CRACD: variants seen among roughly 807,000 people sequenced by gnomAD.
CRACD encodes the protein capping protein-inhibiting regulator of actin dynamics.
A neutral mutation model predicts 106.8 loss-of-function variants in CRACD; 56 were observed. The ratio of observed to expected loss-of-function variants is 0.52; its 90% confidence interval spans 0.42 to 0.66. CRACD has a LOEUF of 0.66. Ranked by LOEUF, CRACD falls within the 30% of genes least tolerant of loss-of-function variation. The pLI, the probability that CRACD is intolerant of heterozygous loss-of-function variation, is 0.00. For missense variants in CRACD, 1,730 were observed against 1,623.2 expected, an observed-to-expected ratio of 1.07 and a Z score of -1.13; for synonymous variants, 754 against 670.8, an observed-to-expected ratio of 1.12 and a Z score of -1.92.
At chr4:56,208,700 G>C (rs1027620831) in intron 2 of CRACD, among the ~76,000 whole-genome samples, 2 of 152,164 alleles carry the variant, frequency 1.3e-5, no homozygotes, top group African/African-American at 4.8e-5. Flanking sequence ...GGAGGCTTCA[G>C]GGGCTCTCTG....
At position 56,314,375 on chromosome 4, in the gene CRACD, G is replaced by C; in HGVS notation, c.873G>C (p.Gln291His). ...LEAERAPREE[Q>H]QRSLEAPGWE... ...CGGAAAGGGCGCCGCGGGAAGAGCA[G>C]CAGCGGAGCCTGGAAGCGCCAGGTT... Residue 291 changes from glutamine (Q) to histidine (H), a missense_variant, in exon 8 of 11, where the codon CAG becomes CAC. Physicochemically the swap from Gln to His is conservative, Grantham distance 24. This residue lies in a region of CRACD where 1,620 missense variants were observed against 1,481.6 expected (regional missense o/e 1.09). Transcript: ENST00000682029. This position sits in a 1 kb window ranked among gnomAD's most constrained non-coding sequence, Gnocchi z 4.4. 1 of 1,547,730 alleles carries C rather than the reference G, an allele frequency of 6.5e-7. No homozygotes were observed. Among genetic ancestry groups the C allele is most frequent in the Middle Eastern group, 2.2e-4 (1 of 4,534 alleles).
intron 1 of CRACD, among the ~76,000 whole-genome samples, chr4:56,160,985 A>G (rs928484785): frequency 5.9e-5 from 9 of 152,208 alleles, no homozygotes; most frequent in African/African-American, 2.2e-4. Context: ...TTCCACACAA[A>G]GGTTTTATCT....
intron 3 of CRACD, among the ~76,000 whole-genome samples, chr4:56,278,079 C>T (rs987055416): frequency 1.3e-5 from 2 of 152,122 alleles, no homozygotes; most frequent in Non-Finnish European, 2.9e-5. Flanking sequence ...TGACAGTACT[C>T]CCCAGATTGA....
chr4:56,291,251 A>C (rs573562307), intron 3 of CRACD, among the ~76,000 whole-genome samples: 2 of 152,318 alleles, frequency 1.3e-5, no homozygotes, highest in South Asian at 2.1e-4. Flanking sequence ...AAGCAGGGAG[A>C]GGTGGAGTTG....
rs1431622849 is a variant in CRACD at position 56,159,521 on chromosome 4, G to T, written c.-335-19763G>T. On this transcript the variant is annotated intron_variant, in intron 1 of 10. Coordinates refer to ENST00000682029, the MANE Select transcript of CRACD (RefSeq NM_001393381.1). ...AACAAAATTAGACGGGCGTGGTGGC[G>T]GGCGCCTGTAGTCCCAGCTACTCGG... Among the ~76,000 whole-genome samples the T allele has an allele frequency of 2.0e-5, 3 of 152,028 alleles. No homozygotes were observed. In the East Asian group the frequency reaches 5.9e-4, roughly 30 times the overall value.
intron 10 of CRACD, among the ~76,000 whole-genome samples, chr4:56,324,979 TACCCCCAAA>T (rs1746334663): frequency 4.6e-5 from 7 of 152,194 alleles, no homozygotes; most frequent in Admixed American, 4.6e-4. Flanking sequence ...ATGCCACATG[TACCCCCAAA>T]ATATATACAA....
intron 2 of CRACD, among the ~76,000 whole-genome samples, chr4:56,258,070 GAAAAAAAAACAAA>G (rs1223019147): frequency 1.8e-5 from 2 of 110,210 alleles, no homozygotes; most frequent in Non-Finnish European, 3.8e-5. Context: ...CTCCATCTCA[GAAAAAAAAACAAA>G]AAAAAAAAAG....
Position 56,315,416 on chromosome 4 carries a change from T to C in CRACD, c.1914T>C (p.Pro638=). The C allele has an allele frequency of 6.2e-7, 1 of 1,612,546 alleles. No homozygotes were observed. The highest frequency in any genetic ancestry group is 8.5e-7 in the Non-Finnish European group (1 of 1,179,608). ...KHAEAPAGEN[P]PRGPGDARAG... is the part of the protein sequence containing the mutation. The stretch of plus-strand genomic sequence containing the variant: ...CGGAAGCCCCAGCTGGGGAGAACCC[T>C]CCCCGAGGCCCCGGCGACGCGAGGG... Residue 638 remains proline (P), a synonymous_variant, in exon 8 of 11, where the codon CCT becomes CCC. Transcript: ENST00000682029. The surrounding 1 kb of genome is among the most constrained non-coding windows in gnomAD (Gnocchi z 4.1).
At chr4:56,237,394 A>G (rs1740040765) in intron 2 of CRACD, among the ~76,000 whole-genome samples, 2 of 152,282 alleles carry the variant, frequency 1.3e-5, no homozygotes, top group Non-Finnish European at 1.5e-5. Context: ...TATAGATTAA[A>G]TCCACTTGTA....
At position 56,291,280 on chromosome 4, in the gene CRACD, T is replaced by G. The variant is rs553296117; in HGVS notation, c.-16-6934T>G. Among the ~76,000 whole-genome samples, 124 of 152,292 alleles carry G rather than the reference T, an allele frequency of 8.1e-4. 1 individual carries two copies. The highest frequency in any genetic ancestry group is 4.1e-4 in the South Asian group (2 of 4,824). ...GGAGTTGGCCTGCTTCACAATCAAC[T>G]GCGAAAGGTCTTTAAATGTCAAGAA... On this transcript the variant is annotated intron_variant, in intron 3 of 10. Transcript: ENST00000682029.
At chr4:56,292,725 C>T (rs527450036) in intron 3 of CRACD, among the ~76,000 whole-genome samples, 2 of 152,088 alleles carry the variant, frequency 1.3e-5, no homozygotes, top group Non-Finnish European at 2.9e-5. Flanking sequence ...AGGGTTTCAC[C>T]GTGTCAACCA....
intron 1 of CRACD, among the ~76,000 whole-genome samples, chr4:56,116,181 T>A (rs1312297982): frequency 6.6e-6 from 1 of 150,838 alleles, no homozygotes; most frequent in Non-Finnish European, 1.5e-5. Flanking sequence ...TTAATCCAGG[T>A]TTGTGAGTGA....
intron 1 of CRACD, among the ~76,000 whole-genome samples, chr4:56,060,980 C>A (rs1469033547): frequency 2.6e-5 from 4 of 152,140 alleles, no homozygotes; most frequent in Non-Finnish European, 5.9e-5. Context: ...TATTTATAAG[C>A]CACCCAGTCA....
At chr4:56,182,987 C>G (rs995408290) in intron 2 of CRACD, among the ~76,000 whole-genome samples, 17 of 150,900 alleles carry the variant, frequency 1.1e-4, no homozygotes, top group African/African-American at 3.9e-4. Flanking sequence ...AATCTCAGTA[C>G]TTTGGGAGGC....
intron 1 of CRACD, among the ~76,000 whole-genome samples, chr4:56,150,224 T>C (rs1018399490): frequency 2.0e-5 from 3 of 152,330 alleles, no homozygotes; most frequent in South Asian, 4.1e-4. Context: ...TTAGATGTCA[T>C]GAAGCTTCAC....
chr4:56,317,923 C>T (rs964702291), intron 8 of CRACD, among the ~76,000 whole-genome samples: 4 of 152,130 alleles, frequency 2.6e-5, no homozygotes, highest in African/African-American at 4.8e-5. Flanking sequence ...TCATCTAATA[C>T]TTTTTCTTTT....
At chr4:56,254,328 A>C (rs552750481) in intron 2 of CRACD, among the ~76,000 whole-genome samples, 2 of 152,190 alleles carry the variant, frequency 1.3e-5, no homozygotes, top group East Asian at 3.9e-4. Flanking sequence ...GGACTGTCCC[A>C]CCCAGTCTGG....
intron 2 of CRACD, among the ~76,000 whole-genome samples, chr4:56,231,739 A>G (rs1739634196): frequency 6.6e-6 from 1 of 152,202 alleles, no homozygotes; most frequent in South Asian, 2.1e-4. Context: ...CAGGATAGGG[A>G]GCATGAGAAG....
At chr4:56,144,221 A>G (rs899500680) in intron 1 of CRACD, among the ~76,000 whole-genome samples, 1 of 152,196 alleles carries the variant, frequency 6.6e-6, no homozygotes, top group Non-Finnish European at 1.5e-5. Flanking sequence ...TTGAGAGATG[A>G]GGCTCCAATG....
Sources: allele counts gnomAD v4.1 joint callset (sites outside exome capture counted in the v4.1 genomes callset), GRCh38; gene constraint gnomAD v4.1.1; regional missense constraint gnomAD v4.1.1; non-coding constraint Gnocchi (gnomAD v3.1); transcripts MANE v1.5; gene names NCBI Gene and HGNC (gene_info 2026-07-23, HGNC 2026-07-21).